ALK: variants seen among roughly 807,000 people sequenced by gnomAD.
ALK encodes the protein ALK receptor tyrosine kinase.
In ALK, 74 loss-of-function variants were observed where a neutral mutation model predicts 163.1. The ratio of observed to expected loss-of-function variants is 0.45; its 90% confidence interval spans 0.38 to 0.55. The LOEUF (loss-of-function observed/expected upper bound fraction) is 0.55. ALK is among the 20% of genes least tolerant of loss of function. The pLI is 0.00. For synonymous variants in ALK, 960 were observed against 843.2 expected (o/e 1.14, Z -2.40); for missense variants, 2,063 against 2,105.3 (o/e 0.98, Z 0.39).
intron 4 of ALK, among the ~76,000 whole-genome samples, chr2:29,440,403 G>T (rs912346659): frequency 5.5e-5 from 8 of 144,186 alleles, no homozygotes; most frequent in African/African-American, 2.1e-4. Flanking sequence ...TATAATCTCT[G>T]CCTCCTGGGT....
intron 4 of ALK, among the ~76,000 whole-genome samples, chr2:29,519,303 G>A (rs1208582502): frequency 1.3e-5 from 2 of 152,128 alleles, no homozygotes. Context: ...TGGGGTAGGG[G>A]ATAAAGAATT....
intron 4 of ALK, among the ~76,000 whole-genome samples, chr2:29,484,556 C>T (rs995640572): frequency 6.6e-6 from 1 of 152,012 alleles, no homozygotes; most frequent in Admixed American, 6.6e-5. Flanking sequence ...TTTTTAGATA[C>T]CCTAAATCAT....
chr2:29,416,738 A>G (rs1339931486), intron 4 of ALK, among the ~76,000 whole-genome samples: 1 of 152,174 alleles, frequency 6.6e-6, no homozygotes, highest in Non-Finnish European at 1.5e-5. Flanking sequence ...GTACTACAGT[A>G]GTCAGAGGGA....
chr2:29,787,428 T>A (rs1038522737), intron 1 of ALK, among the ~76,000 whole-genome samples: 7 of 152,326 alleles, frequency 4.6e-5, no homozygotes, highest in Non-Finnish European at 1.0e-4. Flanking sequence ...AATTTGCAGT[T>A]AAATGTATAC....
intron 1 of ALK, among the ~76,000 whole-genome samples, chr2:29,764,462 A>G (rs1367559180): frequency 6.6e-6 from 1 of 152,212 alleles, no homozygotes; most frequent in African/African-American, 2.4e-5. Flanking sequence ...CAAATCAGGA[A>G]AATAGTTCTT....
intron 11 of ALK, among the ~76,000 whole-genome samples, 184 bp from the exon 12 acceptor site, chr2:29,251,451 A>G (rs1176694939): frequency 2.0e-5 from 3 of 152,224 alleles, no homozygotes; most frequent in Non-Finnish European, 2.9e-5. Context: ...AAAGCCTACT[A>G]TGTGCCAGAC....
chr2:29,669,536 AT>A (rs1296067574), intron 3 of ALK, among the ~76,000 whole-genome samples: 2 of 151,958 alleles, frequency 1.3e-5, no homozygotes, highest in African/African-American at 4.8e-5. Context: ...GCTGAATTTT[AT>A]TTCTTTATCC....
At chr2:29,887,348 A>C (rs1667010615) in intron 1 of ALK, among the ~76,000 whole-genome samples, 1 of 152,198 alleles carries the variant, frequency 6.6e-6, no homozygotes, top group South Asian at 2.1e-4. Context: ...CAGTGTCTTC[A>C]TGGGTATCTC....
At position 29,408,492 on chromosome 2, in the gene ALK, G is replaced by A. The variant is rs141932912; in HGVS notation, c.1155-24633C>T. ...CAGGATAGGAGCCAGTGGGCAGGGA[G>A]CACATGACACAGCTCAGTCACCCTG... is the stretch of plus-strand genomic sequence containing the variant. On this transcript the variant is annotated intron_variant, in intron 4 of 28. Coordinates refer to ENST00000389048, the MANE Select transcript of ALK (RefSeq NM_004304.5). Among the ~76,000 whole-genome samples the A allele has an allele frequency of 7.3e-3, 1,109 of 152,292 alleles. 14 individuals carry two copies. The highest frequency in any genetic ancestry group is 0.025 in the African/African-American group (1,025 of 41,566).
intron 1 of ALK, among the ~76,000 whole-genome samples, chr2:29,840,053 G>A (rs1447296200): frequency 1.3e-5 from 2 of 152,158 alleles, no homozygotes; most frequent in Non-Finnish European, 2.9e-5. Context: ...TGAGATTACA[G>A]TGCAAAGCTG....
chr2:29,780,121 G>C (rs554108168), intron 1 of ALK, among the ~76,000 whole-genome samples: 1 of 152,120 alleles, frequency 6.6e-6, no homozygotes, highest in Admixed American at 6.5e-5. Context: ...ATTATCAATC[G>C]ACCTGCAGTC....
chr2:29,365,692 CA>C (rs1668488003), intron 5 of ALK, among the ~76,000 whole-genome samples: 1 of 152,038 alleles, frequency 6.6e-6, no homozygotes, highest in African/African-American at 2.4e-5. Context: ...CAATCGATAC[CA>C]AAAAGGGTTG....
At chr2:29,288,987 T>TAAAG (rs1665943955) in intron 9 of ALK, among the ~76,000 whole-genome samples, 2 of 137,216 alleles carry the variant, frequency 1.5e-5, no homozygotes, top group African/African-American at 5.4e-5. Flanking sequence ...AATAAATAAA[T>TAAAG]AAATAAATAA....
intron 1 of ALK, among the ~76,000 whole-genome samples, chr2:29,819,596 T>C (rs1664989887): frequency 6.6e-6 from 1 of 152,248 alleles, no homozygotes; most frequent in Non-Finnish European, 1.5e-5. Context: ...TAAAATTCAT[T>C]GCCATAAAAA....
chr2:29,415,676 G>A (rs1474067556), intron 4 of ALK, among the ~76,000 whole-genome samples: 1 of 152,036 alleles, frequency 6.6e-6, no homozygotes, highest in Non-Finnish European at 1.5e-5. Flanking sequence ...ATTATTTCTG[G>A]GTATGTCTAT....
intron 1 of ALK, among the ~76,000 whole-genome samples, chr2:29,732,627 C>A (rs1382280001): frequency 6.6e-6 from 1 of 152,188 alleles, no homozygotes; most frequent in Admixed American, 6.5e-5. Flanking sequence ...GAAACCCACT[C>A]CCCAGTGTGA....
At chr2:29,614,832 C>G (rs980151930) in intron 3 of ALK, among the ~76,000 whole-genome samples, 1 of 152,154 alleles carries the variant, frequency 6.6e-6, no homozygotes, top group African/African-American at 2.4e-5. Context: ...TCCCCCTCCC[C>G]TGGTTTTTGG....
At chr2:29,437,943 A>G (rs1434625954) in intron 4 of ALK, among the ~76,000 whole-genome samples, 1 of 152,228 alleles carries the variant, frequency 6.6e-6, no homozygotes. Flanking sequence ...TTCAATCTTC[A>G]TAACACCACC....
intron 3 of ALK, among the ~76,000 whole-genome samples, chr2:29,679,442 C>T (rs1452940865): frequency 6.6e-6 from 1 of 150,832 alleles, no homozygotes; most frequent in Non-Finnish European, 1.5e-5. Context: ...TTCTTCCTTG[C>T]TTTTTCTTTC....
Sources: allele counts gnomAD v4.1 joint callset (sites outside exome capture counted in the v4.1 genomes callset), GRCh38; gene constraint gnomAD v4.1.1; transcripts MANE v1.5; gene names NCBI Gene and HGNC (gene_info 2026-07-23, HGNC 2026-07-21).